The following URM1 variants were observed in gnomAD, a reference collection of about 807,000 sequenced individuals.
URM1 encodes ubiquitin-related modifier 1.
A neutral mutation model predicts 17.7 loss-of-function variants in URM1; 11 were observed. That is an observed-to-expected ratio of 0.62 (90% CI 0.39 to 1.03). URM1 has a LOEUF of 1.03. Ranked by LOEUF, URM1 falls within the 50% of genes least tolerant of loss-of-function variation. The pLI, the probability that URM1 is intolerant of heterozygous loss-of-function variation, is 0.00. For synonymous variants in URM1, 48 were observed against 50.6 expected (o/e 0.95, Z 0.22); for missense variants, 128 against 129.2 (o/e 0.99, Z 0.04).
intron 3 of URM1, chr9:128,388,815 C>A: frequency 2.0e-6 from 2 of 991,084 alleles, no homozygotes; most frequent in Non-Finnish European, 2.4e-6. Context: ...TAAAAAAAAG[C>A]CGAAGTTCTT....
In URM1 at chr9:128,391,113, G is replaced by C. The variant is rs570467171; in HGVS notation, c.*1379G>C. 51 of 152,304 alleles carry C rather than the reference G, an allele frequency of 3.3e-4. No individual in the cohort carries two copies. Among genetic ancestry groups the C allele is most frequent in the Middle Eastern group, 3.4e-3 (1 of 294 alleles). 9.4% of individuals were successfully genotyped at this position (152,304 alleles called of 1,614,324 possible). A position where few individuals can be genotyped will look rare whatever the true frequency, so the allele number is the denominator to read the frequency against. On this transcript the variant is annotated 3_prime_UTR_variant, in exon 5 of 5. Coordinates refer to ENST00000372853, the MANE Select transcript of URM1 (RefSeq NM_030914.4). ...CTAGAGAAAAGAGCTTTGCTGGAGGGAGACCCCCAAAAAGAATTAGGGTGC... is the reference window on the plus strand; with the variant it reads ...CTAGAGAAAAGAGCTTTGCTGGAGGCAGACCCCCAAAAAGAATTAGGGTGC...
In URM1 at chr9:128,387,997, C is replaced by G; in HGVS notation, c.188+100C>G. On this transcript the variant is annotated intron_variant, in intron 3 of 4. Coordinates refer to ENST00000372853, the MANE Select transcript of URM1 (RefSeq NM_030914.4). The surrounding 1 kb of genome is among the most constrained non-coding windows in gnomAD (Gnocchi z 4.3). ...GTCCTGGCCTTCTCTGAATCCGGTT[C>G]TCCCCTTCCTCCTCCCTAACTCTTC... 1 of 1,511,034 alleles carries G rather than the reference C, an allele frequency of 6.6e-7. No individual in the cohort carries two copies. 93.6% of individuals were successfully genotyped at this position (1,511,034 alleles called of 1,614,324 possible).
intron 2 of URM1, among the ~76,000 whole-genome samples, chr9:128,386,146 T>G (rs1265453015): frequency 2.0e-5 from 3 of 152,304 alleles, no homozygotes; most frequent in Non-Finnish European, 4.4e-5. Context: ...TGCCCAGACC[T>G]TCTCGCCGCC....
chr9:128,373,365 C>G (rs1833037117), intron 1 of URM1, among the ~76,000 whole-genome samples: 1 of 152,122 alleles, frequency 6.6e-6, no homozygotes, highest in African/African-American at 2.4e-5. Context: ...AGACATGATT[C>G]ACCCTTATCC....
At chr9:128,373,878 G>A (rs1223862654) in intron 1 of URM1, among the ~76,000 whole-genome samples, 1 of 152,190 alleles carries the variant, frequency 6.6e-6, no homozygotes, top group African/African-American at 2.4e-5. Flanking sequence ...AGCCCAGCAG[G>A]TGGAGAGGAA....
intron 2 of URM1, among the ~76,000 whole-genome samples, chr9:128,385,868 G>T (rs1833220587): frequency 1.3e-5 from 2 of 150,402 alleles, no homozygotes; most frequent in African/African-American, 2.4e-5. Flanking sequence ...ATGTGGGCAG[G>T]CCTGGGTGGG....
chr9:128,391,063 T>C lies in URM1; in HGVS notation c.*1329T>C, dbSNP rs1833307432. The C allele has an allele frequency of 6.6e-6, 1 of 152,204 alleles. No homozygotes were observed. Among genetic ancestry groups the C allele is most frequent in the Non-Finnish European group, 1.5e-5 (1 of 68,060 alleles). 9.4% of individuals were successfully genotyped at this position (152,204 alleles called of 1,614,324 possible). On this transcript the variant is annotated 3_prime_UTR_variant, in exon 5 of 5. Coordinates refer to ENST00000372853, the MANE Select transcript of URM1 (RefSeq NM_030914.4). ...CATAGATAAGACTGCTGAGCCCCCT[T>C]TCTGTGGTCTTTCCTTTCCATGACC...
Position 128,387,677 on chromosome 9 carries a change from G to A in URM1, c.107-139G>A. ...GTTTCCTCACCTTTGGAATCTACAAGTTCATGGGCTATCACAGCCTGGTCT... is the reference window on the plus strand; with the variant it reads ...GTTTCCTCACCTTTGGAATCTACAAATTCATGGGCTATCACAGCCTGGTCT... On this transcript the variant is annotated intron_variant, in intron 2 of 4. Coordinates refer to ENST00000372853, the MANE Select transcript of URM1 (RefSeq NM_030914.4). The surrounding 1 kb of genome is among the most constrained non-coding windows in gnomAD (Gnocchi z 4.3). 1.4e-6 allele frequency: 2 copies of A among 1,408,586 alleles called. No homozygotes were observed. Among genetic ancestry groups the A allele is most frequent in the Non-Finnish European group, 1.9e-6 (2 of 1,037,644 alleles). 87.3% of individuals were successfully genotyped at this position (1,408,586 alleles called of 1,614,324 possible). A position where few individuals can be genotyped will look rare whatever the true frequency, so the allele number is the denominator to read the frequency against.
chr9:128,388,452 T>C, intron 3 of URM1: 1 of 986,010 alleles, frequency 1.0e-6, no homozygotes, highest in Non-Finnish European at 1.2e-6. Flanking sequence ...AGGTTCCAGT[T>C]GCCACGAAGT....
chr9:128,377,846 T>G (rs1174842791), intron 1 of URM1, 190 bp from the exon 2 acceptor site: 1 of 628,492 alleles, frequency 1.6e-6, no homozygotes, highest in Non-Finnish European at 2.8e-6. Context: ...GGCGACAGAG[T>G]AAGAACCTGT....
Position 128,387,786 on chromosome 9 carries a change from CAA to C in URM1, c.107-29_107-28del. On this transcript the variant is annotated intron_variant, in intron 2 of 4. Transcript: ENST00000372853. This position sits in a 1 kb window ranked among gnomAD's most constrained non-coding sequence, Gnocchi z 4.3. Reference sequence around the variant, plus strand: ...GTGGGCAGGTGCTATTTGGGTTTGACAAGAGTTTGTTCTGTGCATTCCTTTCC... The same window carrying C: ...GTGGGCAGGTGCTATTTGGGTTTGACGAGTTTGTTCTGTGCATTCCTTTCC... The C allele has an allele frequency of 6.2e-7, 1 of 1,613,700 alleles. No homozygotes were observed. The highest frequency in any genetic ancestry group is 8.5e-7 in the Non-Finnish European group (1 of 1,179,674).
chr9:128,381,014 C>T (rs1046147624), intron 2 of URM1, among the ~76,000 whole-genome samples: 2 of 152,010 alleles, frequency 1.3e-5, no homozygotes, highest in South Asian at 2.1e-4. Flanking sequence ...TTAGAAGAGA[C>T]GGGGTTTCAC....
chr9:128,372,311 CTG>C (rs34116078), intron 1 of URM1, among the ~76,000 whole-genome samples: 17,580 of 151,474 alleles, frequency 0.12, 2,570 homozygotes, highest in African/African-American at 0.35. Flanking sequence ...GTGTGTGTGC[CTG>C]TGTGTGTGTA....
intron 2 of URM1, among the ~76,000 whole-genome samples, chr9:128,384,428 A>G (rs1392512777): frequency 2.6e-5 from 4 of 152,308 alleles, no homozygotes; most frequent in South Asian, 2.1e-4. Flanking sequence ...TGTGGGTTCA[A>G]ACATCTAACA....
chr9:128,372,695 C>T (rs137994689), intron 1 of URM1, among the ~76,000 whole-genome samples: 1 of 152,276 alleles, frequency 6.6e-6, no homozygotes, highest in East Asian at 1.9e-4. Context: ...CTACACTCCC[C>T]AAAGCCTGGG....
Position 128,387,939 on chromosome 9 carries a change from G to A in URM1, c.188+42G>A, listed in dbSNP as rs1833249964. 1 of 1,612,360 alleles carries A rather than the reference G, an allele frequency of 6.2e-7. No individual in the cohort carries two copies. The highest frequency in any genetic ancestry group is 1.3e-5 in the African/African-American group (1 of 75,004). On this transcript the variant is annotated intron_variant, in intron 3 of 4. Transcript: ENST00000372853. This position sits in a 1 kb window ranked among gnomAD's most constrained non-coding sequence, Gnocchi z 4.3. ...CCTTCCCTGAAGCAGGTGGAGGGAGGGACGGATATTTGAGCCCCCACCCTC... is the reference window on the plus strand; with the variant it reads ...CCTTCCCTGAAGCAGGTGGAGGGAGAGACGGATATTTGAGCCCCCACCCTC...
In URM1 at chr9:128,387,430, A is replaced by G. The variant is rs1018324367; in HGVS notation, c.107-386A>G. 3.3e-5 allele frequency among the ~76,000 whole-genome samples: 5 copies of G among 152,186 alleles called. No individual in the cohort carries two copies. Among genetic ancestry groups the G allele is most frequent in the African/African-American group, 1.2e-4 (5 of 41,448 alleles). On this transcript the variant is annotated intron_variant, in intron 2 of 4. Transcript: ENST00000372853. The surrounding 1 kb of genome is among the most constrained non-coding windows in gnomAD (Gnocchi z 4.3). ...AGATAAAGGTGGAGGGGGCTCTTCA[A>G]GGTCCTCTCAGAAGTCCAGCCATGG... is the stretch of plus-strand genomic sequence containing the variant.
chr9:128,385,341 G>A (rs1833212393), intron 2 of URM1, among the ~76,000 whole-genome samples: 2 of 152,170 alleles, frequency 1.3e-5, no homozygotes, highest in Non-Finnish European at 1.5e-5. Context: ...ATTAAGTATG[G>A]TATGTCTCCC....
chr9:128,371,450 T>A (rs1833011495), intron 1 of URM1, 35 bp downstream of exon 1: 1 of 1,605,976 alleles, frequency 6.2e-7, no homozygotes, highest in South Asian at 1.1e-5. Context: ...TGGGGATGGA[T>A]TGAAGTCGTC....
Sources: gnomAD v4.1 joint callset for allele counts (sites outside exome capture counted in the v4.1 genomes callset) on GRCh38, gnomAD v4.1.1 for gene constraint, Gnocchi (gnomAD v3.1) non-coding constraint, MANE v1.5 for transcripts, NCBI Gene and HGNC (gene_info 2026-07-23, HGNC 2026-07-21) for gene names.